NRAP: variants seen among roughly 807,000 people sequenced by gnomAD.
NRAP encodes nebulin-related-anchoring protein.
In NRAP, 189 loss-of-function variants were observed where a neutral mutation model predicts 225.9. That is an observed-to-expected ratio of 0.84 (90% CI 0.74 to 0.94). The LOEUF is 0.94. Ranked by LOEUF, NRAP falls within the 40% of genes least tolerant of loss-of-function variation. NRAP has a pLI of 0.00. For synonymous variants in NRAP, 769 were observed against 790.7 expected (o/e 0.97, Z 0.46); for missense variants, 2,176 against 2,168.7 (o/e 1.00, Z -0.07).
In NRAP at chr10:113,634,110, A is replaced by T. The variant is rs1367053058; in HGVS notation, c.1527+2T>A. 6.2e-7 allele frequency: 1 copy of T among 1,607,792 alleles called. No individual in the cohort carries two copies. The highest frequency in any genetic ancestry group is 1.3e-5 in the African/African-American group (1 of 74,794). On this transcript the variant is annotated splice_donor_variant, in intron 15 of 41. Transcript: ENST00000359988. LOFTEE classifies it high-confidence loss of function. ...TCCAGCTGGGCAGGGACAGTTACTT[A>T]CATGACTCAGCTGCTGGGCATTGAT...
chr10:113,620,089 G>A (rs1019610448), intron 25 of NRAP, among the ~76,000 whole-genome samples: 5 of 152,138 alleles, frequency 3.3e-5, no homozygotes, highest in South Asian at 2.1e-4. Context: ...GACTCTTTTC[G>A]CAAGCAGTGG....
chr10:113,635,559 C>T (rs909646783), intron 14 of NRAP, among the ~76,000 whole-genome samples: 4 of 152,234 alleles, frequency 2.6e-5, no homozygotes, highest in Non-Finnish European at 5.9e-5. Flanking sequence ...TCCCTGGTAG[C>T]TGGAACTACA....
intron 14 of NRAP, among the ~76,000 whole-genome samples, chr10:113,636,915 G>A (rs1408989776): frequency 6.6e-6 from 1 of 150,942 alleles, no homozygotes; most frequent in Non-Finnish European, 1.5e-5. Context: ...GCTGAGGCAG[G>A]AGAATCGCTT....
chr10:113,595,843 G>A, intron 37 of NRAP, 116 bp from the exon 38 acceptor site: 3 of 656,320 alleles, frequency 4.6e-6, no homozygotes, highest in Non-Finnish European at 8.1e-6. Context: ...GCATAGAACA[G>A]AACCCAGTCC....
chr10:113,602,030 T>G (rs1846636367), intron 35 of NRAP, among the ~76,000 whole-genome samples: 1 of 152,130 alleles, frequency 6.6e-6, no homozygotes, highest in African/African-American at 2.4e-5. Flanking sequence ...GGACTACAGG[T>G]GTGCACCACC....
At chr10:113,648,467 C>CTCTG (rs749486311) in intron 9 of NRAP, among the ~76,000 whole-genome samples, 1 of 87,360 alleles carries the variant, frequency 1.1e-5, no homozygotes, top group African/African-American at 4.5e-5. Context: ...CTCTCTCTCT[C>CTCTG]TATATATATA....
rs145467031 is a variant in NRAP, at chr10:113,653,973, C to T, written c.465+48G>A. 3.9e-4 allele frequency: 429 copies of T among 1,093,516 alleles called. 2 individuals carry two copies. The African/African-American group carries it at 5.6e-3, about 14-fold the overall frequency. 67.7% of individuals were successfully genotyped at this position (1,093,516 alleles called of 1,614,324 possible). A position where few individuals can be genotyped will look rare whatever the true frequency, so the allele number is the denominator to read the frequency against. Reference sequence around the variant, plus strand: ...AGTCAAGGAACAGTCAAACTAATTGCTAAGTAATTGCTAAACCAATTCCTA... The same window carrying T: ...AGTCAAGGAACAGTCAAACTAATTGTTAAGTAATTGCTAAACCAATTCCTA... On this transcript the variant is annotated intron_variant, in intron 5 of 41. Coordinates refer to ENST00000359988, the MANE Select transcript of NRAP (RefSeq NM_198060.4).
Position 113,589,790 on chromosome 10 carries a change from T to C in NRAP, c.4964A>G (p.Tyr1655Cys). The change falls in exon 41 of 42, where the codon TAT becomes TGT. Residue 1655 changes from tyrosine to cysteine, a missense_variant. This residue lies in a region of NRAP where 445 missense variants were observed against 426.1 expected (regional missense o/e 1.04). Transcript: ENST00000359988. ...KAHQLQSDVK[Y>C]KSDLNLTRGV... ...TCTGGTCAGGTTCAAGTCTGATTTA[T>C]ACTTGACCTTGAGGGTAAGAGGGAA... The C allele has an allele frequency of 6.2e-7, 1 of 1,613,906 alleles. No homozygotes were observed. Among genetic ancestry groups the C allele is most frequent in the Non-Finnish European group, 8.5e-7 (1 of 1,179,934 alleles).
chr10:113,640,210 G>C lies in NRAP; in HGVS notation c.1428+17C>G, dbSNP rs1278508305. ...GACAAGTGACAAAGCAGAAAGAGCTGTTGGAAAAGAACTTACATCTTTCAA... is the reference window on the plus strand; with the variant it reads ...GACAAGTGACAAAGCAGAAAGAGCTCTTGGAAAAGAACTTACATCTTTCAA... On this transcript the variant is annotated intron_variant, in intron 14 of 41. Coordinates refer to ENST00000359988, the MANE Select transcript of NRAP (RefSeq NM_198060.4). 4.8e-6 allele frequency: 7 copies of C among 1,455,522 alleles called. No individual in the cohort carries two copies. The highest frequency in any genetic ancestry group is 6.7e-6 in the Non-Finnish European group (7 of 1,048,952). 90.2% of individuals were successfully genotyped at this position (1,455,522 alleles called of 1,614,324 possible).
chr10:113,590,838 G>A lies in NRAP; in HGVS notation c.4696C>T (p.Arg1566Cys), dbSNP rs1885434. Residue 1566 changes from arginine to cysteine, a missense_variant, in exon 40 of 42, where the codon CGC becomes TGC. This residue lies in a region of NRAP where 445 missense variants were observed against 426.1 expected (regional missense o/e 1.04). Transcript: ENST00000359988. ...LRDRGLQIGY[R>C]SVDDDPRMKH... ...ATCCTTGGGTCATCGTCGACACTGC[G>A]GTACCCGATCTGCAGGCCTCGGTCC... The A allele has an allele frequency of 0.35, 560,668 of 1,613,718 alleles. 98,739 individuals carry two copies. The highest frequency in any genetic ancestry group is 0.48 in the Admixed American group (28,864 of 60,002).
chr10:113,613,773 T>A (rs569152864), intron 29 of NRAP, among the ~76,000 whole-genome samples: 200 of 152,286 alleles, frequency 1.3e-3, no homozygotes, highest in Middle Eastern at 6.8e-3. Flanking sequence ...TACAACCAAC[T>A]GTAGCCTTAA....
chr10:113,634,085 T>A (rs1564739375), intron 15 of NRAP, 27 bp downstream of exon 15: 2 of 1,516,354 alleles, frequency 1.3e-6, no homozygotes, highest in Non-Finnish European at 1.8e-6. Flanking sequence ...GACCCCTACA[T>A]CCAGCTGGGC....
Position 113,630,467 on chromosome 10 carries a change from T to C in NRAP, c.1843-682A>G, listed in dbSNP as rs550967197. Among the ~76,000 whole-genome samples, 4 of 152,156 alleles carry C rather than the reference T, an allele frequency of 2.6e-5. No homozygotes were observed. In the South Asian group the frequency reaches 6.2e-4, roughly 24 times the overall value. On this transcript the variant is annotated intron_variant, in intron 18 of 41. Coordinates refer to ENST00000359988, the MANE Select transcript of NRAP (RefSeq NM_198060.4). ...ACCATGGTGATGGTGAAGGTGATGG[T>C]GATAGTGGTGACGATGGTAGTGCTG...
intron 32 of NRAP, 109 bp from the exon 33 acceptor site, chr10:113,606,391 G>A (rs763303815): frequency 3.6e-5 from 24 of 670,612 alleles, no homozygotes; most frequent in South Asian, 7.0e-5. Context: ...GCAAAAAACC[G>A]TTCATTGTGT....
chr10:113,592,037 C>CT (rs140764029), intron 39 of NRAP, among the ~76,000 whole-genome samples, 157 bp downstream of exon 39: 31 of 149,952 alleles, frequency 2.1e-4, no homozygotes, highest in Middle Eastern at 3.4e-3. Context: ...AAGTAAAGCC[C>CT]TTTTTTTTTT....
chr10:113,631,979 C>T lies in NRAP; in HGVS notation c.1633-15G>A, dbSNP rs374679775. On this transcript the variant is annotated splice_polypyrimidine_tract_variant and intron_variant, in intron 16 of 41. Transcript: ENST00000359988. ...TTATACTTAACCTGACAAACAAAAC[C>T]ACAAGTGAATAGGAGTTGCTACCCA... 1.7e-5 allele frequency: 26 copies of T among 1,501,552 alleles called. No individual in the cohort carries two copies. The African/African-American group carries it at 2.9e-4, about 17-fold the overall frequency. 93.0% of individuals were successfully genotyped at this position (1,501,552 alleles called of 1,614,324 possible).
intron 4 of NRAP, 98 bp from the exon 5 acceptor site, chr10:113,654,223 A>C: frequency 1.4e-6 from 1 of 720,832 alleles, no homozygotes. Context: ...AACATTATAA[A>C]CTCCTATTGG....
At chr10:113,630,023 T>C (rs572964147) in intron 18 of NRAP, among the ~76,000 whole-genome samples, 1 of 152,208 alleles carries the variant, frequency 6.6e-6, no homozygotes, top group South Asian at 2.1e-4. Flanking sequence ...ATGCTAAACC[T>C]TTTCACCCGG....
intron 26 of NRAP, among the ~76,000 whole-genome samples, chr10:113,616,085 A>C (rs1847646831): frequency 6.6e-6 from 1 of 152,212 alleles, no homozygotes; most frequent in South Asian, 2.1e-4. Flanking sequence ...ATGGGTGTCA[A>C]ATGAGAAAAC....
Sources: gnomAD v4.1 joint callset for allele counts (sites outside exome capture counted in the v4.1 genomes callset) on GRCh38, gnomAD v4.1.1 for gene constraint, gnomAD v4.1.1 regional missense constraint, MANE v1.5 for transcripts, NCBI Gene and HGNC (gene_info 2026-07-23, HGNC 2026-07-21) for gene names.